The following KCNJ3 variants were observed in gnomAD, a reference collection of about 807,000 sequenced individuals.
The protein encoded by KCNJ3 is G protein-activated inward rectifier potassium channel 1.
Under a neutral mutation model 39.2 loss-of-function variants are expected in KCNJ3, and 4 were observed. The observed-to-expected ratio is 0.10, with a 90% confidence interval of 0.05 to 0.23. The LOEUF is 0.23. Ranked by LOEUF, KCNJ3 falls within the 10% of genes least tolerant of loss-of-function variation. The probability of loss-of-function intolerance (pLI) is 1.00; values close to 1 mark genes in which losing one functional copy is unlikely to be tolerated. For missense variants in KCNJ3, 276 were observed against 634.9 expected, an observed-to-expected ratio of 0.43 and a Z score of 6.08; for synonymous variants, 230 against 237.4, an observed-to-expected ratio of 0.97 and a Z score of 0.29.
intron 2 of KCNJ3, among the ~76,000 whole-genome samples, chr2:154,777,554 T>C (rs1015190127): frequency 2.6e-5 from 4 of 152,204 alleles, no homozygotes; most frequent in African/African-American, 7.2e-5. Context: ...TGCCTGCAAA[T>C]TGATACTTTT....
chr2:154,763,124 C>T (rs17623266), intron 2 of KCNJ3, among the ~76,000 whole-genome samples: 49,813 of 152,070 alleles, frequency 0.33, 9,486 homozygotes, highest in Non-Finnish European at 0.43. Context: ...TTCACATTTC[C>T]GACAGTCAAT....
chr2:154,771,742 G>T (rs952603623), intron 2 of KCNJ3, among the ~76,000 whole-genome samples: 1 of 152,148 alleles, frequency 6.6e-6, no homozygotes, highest in African/African-American at 2.4e-5. Flanking sequence ...TGTTCAAGAG[G>T]CAAATACACT....
intron 2 of KCNJ3, among the ~76,000 whole-genome samples, chr2:154,774,995 GTC>G (rs1192107356): frequency 6.6e-6 from 1 of 152,092 alleles, no homozygotes; most frequent in Admixed American, 6.6e-5. Flanking sequence ...GCTCACTGCA[GTC>G]TCTCTACCTC....
chr2:154,776,265 G>C (rs1686333011), intron 2 of KCNJ3, among the ~76,000 whole-genome samples: 1 of 152,124 alleles, frequency 6.6e-6, no homozygotes, highest in Non-Finnish European at 1.5e-5. Context: ...GCCTCCCAAA[G>C]TGCTTGGAGT....
intron 2 of KCNJ3, among the ~76,000 whole-genome samples, chr2:154,766,207 T>G (rs1686130166): frequency 6.6e-6 from 1 of 152,200 alleles, no homozygotes; most frequent in South Asian, 2.1e-4. Flanking sequence ...GGTGATGAAG[T>G]GAGAAAGTTC....
At chr2:154,719,838 G>A (rs910566543) in intron 2 of KCNJ3, among the ~76,000 whole-genome samples, 5 of 152,078 alleles carry the variant, frequency 3.3e-5, no homozygotes, top group African/African-American at 1.2e-4. Context: ...ATAATGAGTG[G>A]ATAAGGGCTG....
chr2:154,831,769 T>C (rs182695103), intron 2 of KCNJ3, among the ~76,000 whole-genome samples: 27 of 152,348 alleles, frequency 1.8e-4, no homozygotes, highest in African/African-American at 6.3e-4. Context: ...TTTGATTACA[T>C]GTTACAGCAC....
rs1029986469 is a variant in KCNJ3, at chr2:154,699,505, G to A, written c.702+28G>A. 6.5e-6 allele frequency: 10 copies of A among 1,535,212 alleles called. No individual in the cohort carries two copies. The highest frequency in any genetic ancestry group is 1.4e-5 in the African/African-American group (1 of 73,490). On this transcript the variant is annotated intron_variant, in intron 1 of 2. Coordinates refer to ENST00000295101, the MANE Select transcript of KCNJ3 (RefSeq NM_002239.4). The surrounding 1 kb of genome is among the most constrained non-coding windows in gnomAD (Gnocchi z 6.4). ...AAGTGCTCCCCGCCCCTTCCCCACC[G>A]GGAGACCTGCGTCCCCCAAACCCGC...
intron 2 of KCNJ3, among the ~76,000 whole-genome samples, chr2:154,765,780 T>C (rs1686123381): frequency 6.6e-6 from 1 of 152,210 alleles, no homozygotes; most frequent in South Asian, 2.1e-4. Flanking sequence ...TCCTGGAAAC[T>C]ACCAGTTCTA....
chr2:154,726,734 A>G (rs1488735901), intron 2 of KCNJ3, among the ~76,000 whole-genome samples: 3 of 151,706 alleles, frequency 2.0e-5, no homozygotes, highest in African/African-American at 7.3e-5. Context: ...TCAATCAAAG[A>G]GTGGATAAAG....
chr2:154,769,269 G>A (rs571617736), intron 2 of KCNJ3, among the ~76,000 whole-genome samples: 1 of 152,036 alleles, frequency 6.6e-6, no homozygotes, highest in African/African-American at 2.4e-5. Flanking sequence ...TGTGCCAGTT[G>A]TCAAAGGGAA....
At chr2:154,758,870 G>T (rs1386145444) in intron 2 of KCNJ3, among the ~76,000 whole-genome samples, 1 of 152,172 alleles carries the variant, frequency 6.6e-6, no homozygotes, top group African/African-American at 2.4e-5. Flanking sequence ...CCACTTTTAA[G>T]GAAAAGGGTG....
intron 2 of KCNJ3, among the ~76,000 whole-genome samples, chr2:154,793,286 G>T (rs1686669187): frequency 6.6e-6 from 1 of 151,744 alleles, no homozygotes. Context: ...ACTTCTCTTT[G>T]CTCACCGGAA....
chr2:154,850,494 A>G (rs1257807036), intron 2 of KCNJ3, among the ~76,000 whole-genome samples: 1 of 152,136 alleles, frequency 6.6e-6, no homozygotes, highest in African/African-American at 2.4e-5. Context: ...TCTCAATTAT[A>G]TCTTATCTTA....
At chr2:154,774,317 T>G (rs772466813) in intron 2 of KCNJ3, among the ~76,000 whole-genome samples, 6 of 152,292 alleles carry the variant, frequency 3.9e-5, no homozygotes, top group Middle Eastern at 3.4e-3. Flanking sequence ...TCATTTCATC[T>G]CCAAGACTAG....
intron 2 of KCNJ3, among the ~76,000 whole-genome samples, chr2:154,805,933 G>A (rs1686903485): frequency 6.6e-6 from 1 of 152,010 alleles, no homozygotes; most frequent in Non-Finnish European, 1.5e-5. Context: ...GAACATATAG[G>A]GAAGCATAGA....
chr2:154,794,340 A>G (rs371667703), intron 2 of KCNJ3, among the ~76,000 whole-genome samples: 2 of 152,136 alleles, frequency 1.3e-5, no homozygotes, highest in African/African-American at 2.4e-5. Flanking sequence ...ATATCTGCCA[A>G]TGAAACTAAT....
At chr2:154,737,308 T>A in intron 2 of KCNJ3, among the ~76,000 whole-genome samples, 1 of 152,168 alleles carries the variant, frequency 6.6e-6, no homozygotes, top group East Asian at 1.9e-4. Flanking sequence ...GGTTTAAAAG[T>A]AAGATTTGAA....
chr2:154,800,121 C>T (rs1418018505), intron 2 of KCNJ3, among the ~76,000 whole-genome samples: 2 of 152,162 alleles, frequency 1.3e-5, no homozygotes, highest in South Asian at 4.1e-4. Flanking sequence ...ATGCTCAAAA[C>T]AAGATGTACA....
Sources: allele counts gnomAD v4.1 joint callset (sites outside exome capture counted in the v4.1 genomes callset), GRCh38; gene constraint gnomAD v4.1.1; non-coding constraint Gnocchi (gnomAD v3.1); transcripts MANE v1.5; gene names NCBI Gene and HGNC (gene_info 2026-07-23, HGNC 2026-07-21).